TTLL9: variants seen among roughly 807,000 people sequenced by gnomAD.
TTLL9 encodes the protein probable tubulin polyglutamylase TTLL9.
A neutral mutation model predicts 65.6 loss-of-function variants in TTLL9; 47 were observed. The ratio of observed to expected loss-of-function variants is 0.72; its 90% CI spans 0.57 to 0.91. The LOEUF (loss-of-function observed/expected upper bound fraction) is 0.91, where lower values mean the gene tolerates loss of function less well. TTLL9 is among the 40% of genes least tolerant of loss of function. TTLL9 has a pLI of 0.00. For missense variants in TTLL9, 537 were observed against 568.8 expected (o/e 0.94, Z 0.57); for synonymous variants, 179 against 204.8 (o/e 0.87, Z 1.07).
At chr20:31,872,814 G>C (rs564061598) in intron 2 of TTLL9, among the ~76,000 whole-genome samples, 1 of 152,268 alleles carries the variant, frequency 6.6e-6, no homozygotes, top group Non-Finnish European at 1.5e-5. Flanking sequence ...AAGCCAGTGG[G>C]ACTGGAGTAG....
At chr20:31,885,668 C>A (rs1309554846) in intron 2 of TTLL9, among the ~76,000 whole-genome samples, 2 of 152,320 alleles carry the variant, frequency 1.3e-5, no homozygotes, top group East Asian at 3.9e-4. Flanking sequence ...CTCTCCGCCG[C>A]TCTTTGAGGG....
intron 9 of TTLL9, 44 bp downstream of exon 9, chr20:31,925,093 G>T: frequency 6.2e-7 from 1 of 1,610,492 alleles, no homozygotes; most frequent in African/African-American, 1.3e-5. Flanking sequence ...GGGGTTAAAG[G>T]GTGGCTGGGC....
At chr20:31,931,078 C>CT (rs60315473) in intron 10 of TTLL9, among the ~76,000 whole-genome samples, 61,726 of 125,128 alleles carry the variant, frequency 0.49, 16,256 homozygotes, top group Non-Finnish European at 0.58. Context: ...TCCTCTTTTC[C>CT]TTTTTTTTTT....
chr20:31,923,331 C>T (rs754531517), intron 8 of TTLL9, among the ~76,000 whole-genome samples: 4 of 152,224 alleles, frequency 2.6e-5, no homozygotes, highest in Non-Finnish European at 4.4e-5. Context: ...TTATAAAGCA[C>T]CTACTTGGTG....
chr20:31,935,721 C>G (rs1325997517), intron 12 of TTLL9, among the ~76,000 whole-genome samples: 1 of 152,244 alleles, frequency 6.6e-6, no homozygotes, highest in Non-Finnish European at 1.5e-5. Flanking sequence ...GCTTGGACAC[C>G]AGCTACTGCA....
At chr20:31,941,675 A>G (rs1417533118) in intron 14 of TTLL9, among the ~76,000 whole-genome samples, 13 of 151,960 alleles carry the variant, frequency 8.6e-5, no homozygotes, top group African/African-American at 2.9e-4. Flanking sequence ...CAGTCCTCCT[A>G]CCTCAGCCTC....
chr20:31,898,412 C>T, intron 3 of TTLL9, 61 bp from the exon 4 acceptor site: 5 of 1,471,274 alleles, frequency 3.4e-6, no homozygotes, highest in Middle Eastern at 1.7e-4. Context: ...TTTTTCCTCT[C>T]CTTGCGCCAT....
intron 2 of TTLL9, among the ~76,000 whole-genome samples, chr20:31,878,445 G>A (rs144716390): frequency 1.6e-4 from 24 of 152,356 alleles, no homozygotes; most frequent in African/African-American, 4.8e-4. Flanking sequence ...GCAGGTGTCT[G>A]TTGAGTATTC....
chr20:31,912,342 C>G (rs2063667708), intron 6 of TTLL9, among the ~76,000 whole-genome samples: 2 of 152,142 alleles, frequency 1.3e-5, no homozygotes, highest in East Asian at 3.9e-4. Context: ...ACCTGCATTT[C>G]TACCAGCTCC....
At chr20:31,938,265 T>G (rs1381631159) in intron 13 of TTLL9, 18 of 455,488 alleles carry the variant, frequency 4.0e-5, no homozygotes, top group Admixed American at 3.5e-4. Flanking sequence ...CTTGACCAGG[T>G]ATAGTTCTTG....
At chr20:31,937,539 C>T in intron 13 of TTLL9, 30 bp downstream of exon 13, 7 of 1,563,872 alleles carry the variant, frequency 4.5e-6, no homozygotes, top group Non-Finnish European at 6.1e-6. Context: ...ATCACATGTC[C>T]TTGTACATGA....
intron 2 of TTLL9, among the ~76,000 whole-genome samples, chr20:31,882,168 G>A (rs894772973): frequency 7.9e-5 from 12 of 152,134 alleles, no homozygotes; most frequent in African/African-American, 2.7e-4. Flanking sequence ...AGAATACCGC[G>A]TGTTCCAACC....
chr20:31,942,239 A>G (rs1186143978), intron 14 of TTLL9, among the ~76,000 whole-genome samples: 1 of 152,180 alleles, frequency 6.6e-6, no homozygotes, highest in East Asian at 1.9e-4. Context: ...TGTGCCTGGC[A>G]TGAGGTTAAA....
intron 11 of TTLL9, chr20:31,934,426 T>C: frequency 1.6e-6 from 1 of 622,166 alleles, no homozygotes; most frequent in Middle Eastern, 2.5e-4. Context: ...TGGTCTGTCC[T>C]TAGCAAGTCA....
intron 13 of TTLL9, among the ~76,000 whole-genome samples, chr20:31,937,936 ATG>A (rs1238896924): frequency 1.3e-5 from 2 of 151,810 alleles, no homozygotes; most frequent in African/African-American, 4.8e-5. Flanking sequence ...TGTTTTAACA[ATG>A]TGCAATAGCA....
chr20:31,939,041 G>C (rs945937051), intron 13 of TTLL9, 101 bp from the exon 14 acceptor site: 1 of 1,342,308 alleles, frequency 7.4e-7, no homozygotes, highest in African/African-American at 1.5e-5. Context: ...TCTGAGGGAC[G>C]GACATCAGTT....
chr20:31,933,795 C>T lies in TTLL9; in HGVS notation c.749-5C>T. On this transcript the variant is annotated splice_region_variant and splice_polypyrimidine_tract_variant and intron_variant, in intron 10 of 14. Coordinates refer to ENST00000535842, the MANE Select transcript of TTLL9 (RefSeq NM_001008409.5). ...CGCTGACCCTTGACCACCACCCTCT[C>T]CCAGATGTTCACCTCACCAACGTGG... 2 of 1,613,932 alleles carry T rather than the reference C, an allele frequency of 1.2e-6. No homozygotes were observed. Among genetic ancestry groups the T allele is most frequent in the Non-Finnish European group, 8.5e-7 (1 of 1,179,810 alleles).
chr20:31,908,378 A>G (rs1484051648), intron 4 of TTLL9, among the ~76,000 whole-genome samples: 2 of 152,126 alleles, frequency 1.3e-5, no homozygotes, highest in Non-Finnish European at 2.9e-5. Flanking sequence ...GAAGCCAACC[A>G]CCTGGATTTT....
rs185735977 is a variant in TTLL9 at position 31,895,142 on chromosome 20, A to G, written c.114-3331A>G. On this transcript the variant is annotated intron_variant, in intron 3 of 14. Transcript: ENST00000535842. ...GTCCACATAGACTAGGGCAGCCCCC[A>G]GCATGTCTGAGAACAAAGGAAAAGT... 7.2e-5 allele frequency among the ~76,000 whole-genome samples: 11 copies of G among 152,360 alleles called. No homozygotes were observed. The East Asian group carries it at 2.1e-3, about 29-fold the overall frequency.
Sources: gnomAD v4.1 joint callset for allele counts (sites outside exome capture counted in the v4.1 genomes callset) on GRCh38, gnomAD v4.1.1 for gene constraint, MANE v1.5 for transcripts, NCBI Gene and HGNC (gene_info 2026-07-23, HGNC 2026-07-21) for gene names.